The following TJP1 variants were observed in gnomAD, a reference collection of about 807,000 sequenced individuals.
TJP1 encodes the protein tight junction protein ZO-1.
A neutral mutation model predicts 194.2 loss-of-function variants in TJP1; 43 were observed. The ratio of observed to expected loss-of-function variants is 0.22; its 90% CI spans 0.17 to 0.29. The LOEUF (loss-of-function observed/expected upper bound fraction) is 0.29. TJP1 is among the 10% of genes least tolerant of loss of function. The pLI, the probability that TJP1 is intolerant of heterozygous loss-of-function variation, is 1.00. For synonymous variants in TJP1, 801 were observed against 779.0 expected, an observed-to-expected ratio of 1.03 and a Z score of -0.47; for missense variants, 1,971 against 2,185.7, an observed-to-expected ratio of 0.90 and a Z score of 1.96.
intron 8 of TJP1, among the ~76,000 whole-genome samples, chr15:29,748,955 C>CGT (rs1566949600): frequency 4.2e-5 from 1 of 24,060 alleles, no homozygotes; most frequent in African/African-American, 8.6e-5. Flanking sequence ...TGTGTGTGTG[C>CGT]GCGTGTGTGC....
intron 8 of TJP1, among the ~76,000 whole-genome samples, chr15:29,752,007 C>T (rs1247419151): frequency 6.6e-6 from 1 of 152,132 alleles, no homozygotes; most frequent in African/African-American, 2.4e-5. Context: ...ACACTGCAGC[C>T]TCAACCTCTT....
intron 17 of TJP1, 72 bp downstream of exon 17, chr15:29,726,709 C>G: frequency 7.1e-7 from 1 of 1,406,106 alleles, no homozygotes; most frequent in Non-Finnish European, 1.0e-6. Flanking sequence ...ATTTGAACAC[C>G]GTAACATTTT....
intron 16 of TJP1, 41 bp downstream of exon 16, chr15:29,727,896 C>T: frequency 6.4e-7 from 1 of 1,569,658 alleles, no homozygotes; most frequent in Non-Finnish European, 8.8e-7. Flanking sequence ...CACTCAAAAC[C>T]ACAATAACAT....
intron 2 of TJP1, among the ~76,000 whole-genome samples, chr15:29,861,795 G>T (rs150951537): frequency 9.5e-4 from 144 of 152,278 alleles, no homozygotes; most frequent in African/African-American, 3.3e-3. Context: ...AAGAATGCCT[G>T]TTCTCTTTAC....
At chr15:29,820,406 C>G in intron 1 of TJP1, 4 of 648,086 alleles carry the variant, frequency 6.2e-6, no homozygotes, top group Non-Finnish European at 2.8e-6. Flanking sequence ...TTCAACTTGC[C>G]CTTTACTCGC....
intron 2 of TJP1, among the ~76,000 whole-genome samples, chr15:29,785,298 G>C (rs2047630978): frequency 1.3e-5 from 2 of 152,140 alleles, no homozygotes; most frequent in Admixed American, 1.3e-4. Context: ...TTGGAAACAG[G>C]GTCCTGGAAT....
At chr15:29,873,976 A>T (rs559451670) in intron 2 of TJP1, among the ~76,000 whole-genome samples, 29 of 152,312 alleles carry the variant, frequency 1.9e-4, no homozygotes, top group Middle Eastern at 6.8e-3. Context: ...CTCTAAATTA[A>T]AAGAAAACAA....
Position 29,916,240 on chromosome 15 carries a change from CAAA to C in TJP1, c.306+39989_306+39991del, listed in dbSNP as rs199907379. 3.4e-3 allele frequency among the ~76,000 whole-genome samples: 327 copies of C among 96,572 alleles called. 3 individuals are homozygous for C. The highest frequency in any genetic ancestry group is 8.2e-3 in the African/African-American group (259 of 31,620). 63.4% of individuals were successfully genotyped at this position (96,572 alleles called of 152,430 possible). ...GTGCGACAAGAGCAAGACTCTGTCT[CAAA>C]AAAAAAAAAAAAAAAAGATCATAGC... is the stretch of plus-strand genomic sequence containing the variant. On this transcript the variant is annotated intron_variant, in intron 2 of 28. Coordinates refer to the TJP1 transcript ENST00000356107.
intron 2 of TJP1, among the ~76,000 whole-genome samples, chr15:29,874,082 G>A (rs1211881565): frequency 6.6e-6 from 1 of 152,202 alleles, no homozygotes; most frequent in Non-Finnish European, 1.5e-5. Flanking sequence ...TTAGGGCTTA[G>A]GCAGAGATGA....
intron 2 of TJP1, among the ~76,000 whole-genome samples, chr15:29,879,017 G>A (rs1453416782): frequency 1.3e-5 from 2 of 152,134 alleles, no homozygotes; most frequent in South Asian, 2.1e-4. Flanking sequence ...CCAGCTACTC[G>A]GGAGGCTGAG....
At chr15:29,949,182 T>C (rs868662254) in intron 2 of TJP1, among the ~76,000 whole-genome samples, 899 of 37,650 alleles carry the variant, frequency 0.024, no homozygotes, top group Middle Eastern at 0.048. Flanking sequence ...ACCACCTCCA[T>C]CACCTCCACC....
intron 22 of TJP1, among the ~76,000 whole-genome samples, chr15:29,717,525 G>A (rs1414257879): frequency 6.2e-5 from 1 of 16,126 alleles, no homozygotes; most frequent in Admixed American, 7.9e-4. Flanking sequence ...AGTCTTGTAA[G>A]CTACTTGCCC....
chr15:29,931,009 T>A (rs967783219), intron 2 of TJP1, among the ~76,000 whole-genome samples: 2 of 151,990 alleles, frequency 1.3e-5, no homozygotes, highest in African/African-American at 2.4e-5. Context: ...AACTCCTGAC[T>A]CCCCCCAGAA....
intron 8 of TJP1, among the ~76,000 whole-genome samples, chr15:29,745,317 A>AAAAAC (rs397784364): frequency 2.3e-4 from 34 of 150,650 alleles, no homozygotes; most frequent in African/African-American, 8.1e-4. Context: ...AAAAAAAAAA[A>AAAAAC]CTTAATGAAT....
intron 1 of TJP1, among the ~76,000 whole-genome samples, chr15:29,967,368 T>TA (rs200708957): frequency 0.024 from 3,487 of 145,276 alleles, 106 homozygotes; most frequent in African/African-American, 0.08. Flanking sequence ...TAAATTTATT[T>TA]AAAAAAAAAA....
At chr15:29,757,025 A>G (rs969073855) in intron 8 of TJP1, among the ~76,000 whole-genome samples, 1 of 152,168 alleles carries the variant, frequency 6.6e-6, no homozygotes, top group African/African-American at 2.4e-5. Context: ...TGTAATAACT[A>G]ATTTCTCACC....
intron 1 of TJP1, among the ~76,000 whole-genome samples, chr15:29,801,405 C>T (rs1288739960): frequency 2.6e-5 from 4 of 151,992 alleles, no homozygotes; most frequent in African/African-American, 7.3e-5. Context: ...CAAATTATAG[C>T]GTACTTCAGT....
chr15:29,742,538 A>G, intron 9 of TJP1, 104 bp downstream of exon 9: 1 of 1,316,448 alleles, frequency 7.6e-7, no homozygotes, highest in Admixed American at 2.8e-5. Context: ...AAATTCACAC[A>G]TGAGAAGAAT....
intron 2 of TJP1, among the ~76,000 whole-genome samples, chr15:29,954,337 TTC>T (rs557901726): frequency 1.4e-4 from 22 of 152,230 alleles, no homozygotes; most frequent in Non-Finnish European, 1.9e-4. Context: ...ACCAGAATGA[TTC>T]TGTTTATGCA....
Sources: allele counts gnomAD v4.1 joint callset (sites outside exome capture counted in the v4.1 genomes callset), GRCh38; gene constraint gnomAD v4.1.1; transcripts MANE v1.5; gene names NCBI Gene and HGNC (gene_info 2026-07-23, HGNC 2026-07-21).